CNTN5: variants seen among roughly 807,000 people sequenced by gnomAD.
CNTN5 encodes the protein contactin-5.
In CNTN5, 77 loss-of-function variants were observed where a neutral mutation model predicts 129.1. The ratio of observed to expected loss-of-function variants is 0.60; its 90% CI spans 0.50 to 0.72. The LOEUF is 0.72. Ranked by LOEUF, CNTN5 falls within the 30% of genes least tolerant of loss-of-function variation. The pLI, the probability that CNTN5 is intolerant of heterozygous loss-of-function variation, is 0.00. For missense variants in CNTN5, 1,478 were observed against 1,328.8 expected, an observed-to-expected ratio of 1.11 and a Z score of -1.75; for synonymous variants, 509 against 465.6, an observed-to-expected ratio of 1.09 and a Z score of -1.20.
chr11:100,264,445 T>C (rs1950259714), intron 17 of CNTN5, among the ~76,000 whole-genome samples: 1 of 152,140 alleles, frequency 6.6e-6, no homozygotes, highest in African/African-American at 2.4e-5. Flanking sequence ...TGTGTCCTCA[T>C]TTTTCAGTTC....
intron 3 of CNTN5, among the ~76,000 whole-genome samples, chr11:99,701,471 A>G (rs1395890186): frequency 4.0e-5 from 6 of 151,230 alleles, no homozygotes; most frequent in Middle Eastern, 3.2e-3. Context: ...ATTCCCAAAT[A>G]TCCAGATGTT....
intron 17 of CNTN5, among the ~76,000 whole-genome samples, chr11:100,260,748 C>G (rs1950178378): frequency 1.3e-5 from 2 of 152,142 alleles, no homozygotes; most frequent in South Asian, 4.1e-4. Context: ...TTCAACAACG[C>G]TTCATGCTAA....
At chr11:99,306,079 A>C (rs1214021953) in intron 1 of CNTN5, among the ~76,000 whole-genome samples, 1 of 152,226 alleles carries the variant, frequency 6.6e-6, no homozygotes, top group Admixed American at 6.5e-5. Flanking sequence ...ATTTCTTGAA[A>C]TGTTGAAATT....
chr11:99,772,072 T>A lies in CNTN5; in HGVS notation c.56-47472T>A, dbSNP rs902911724. 1.2e-3 allele frequency among the ~76,000 whole-genome samples: 11 copies of A among 8,956 alleles called. No homozygotes were observed. The Admixed American group carries it at 0.014, about 11-fold the overall frequency. 5.9% of individuals were successfully genotyped at this position (8,956 alleles called of 152,430 possible). On this transcript the variant is annotated intron_variant, in intron 3 of 24. Transcript: ENST00000524871. ...CTGAACCTTAGAAACTTCTGAGGTA[T>A]TTTTTTTTTTTTATCAACAATGGAG...
intron 3 of CNTN5, among the ~76,000 whole-genome samples, chr11:99,665,729 A>T (rs1309245477): frequency 1.3e-5 from 2 of 151,788 alleles, no homozygotes; most frequent in African/African-American, 2.4e-5. Context: ...TCAAGTGATC[A>T]GTCTGCCTTG....
chr11:100,032,211 A>G (rs1457721018), intron 9 of CNTN5, among the ~76,000 whole-genome samples: 7 of 152,170 alleles, frequency 4.6e-5, no homozygotes, highest in African/African-American at 1.4e-4. Flanking sequence ...GAGTATCACT[A>G]TGACAGTATC....
chr11:99,211,927 T>A (rs1859815445), intron 1 of CNTN5, among the ~76,000 whole-genome samples: 1 of 152,202 alleles, frequency 6.6e-6, no homozygotes, highest in Non-Finnish European at 1.5e-5. Flanking sequence ...CTTTCAGTGA[T>A]AATTTGTTTC....
chr11:99,601,006 T>C (rs2135704249), intron 3 of CNTN5, among the ~76,000 whole-genome samples: 1 of 152,318 alleles, frequency 6.6e-6, no homozygotes, highest in South Asian at 2.1e-4. Flanking sequence ...TGTTTTGTCT[T>C]AAATATTTAT....
chr11:99,235,841 A>G (rs1271866422), intron 1 of CNTN5, among the ~76,000 whole-genome samples: 1 of 152,168 alleles, frequency 6.6e-6, no homozygotes, highest in African/African-American at 2.4e-5. Flanking sequence ...TAAAGTTTGG[A>G]TTCCTGTGTT....
chr11:99,544,756 G>A (rs1948236607), intron 2 of CNTN5, among the ~76,000 whole-genome samples: 2 of 152,118 alleles, frequency 1.3e-5, no homozygotes, highest in Non-Finnish European at 2.9e-5. Flanking sequence ...AATAGAGAGA[G>A]GCAGTTTATT....
intron 2 of CNTN5, among the ~76,000 whole-genome samples, chr11:99,466,502 T>C (rs112702539): frequency 0.012 from 1,844 of 152,306 alleles, 38 homozygotes; most frequent in African/African-American, 0.042. Context: ...TTATATGGTT[T>C]CTTATATAGT....
chr11:99,098,536 T>C (rs1176503398), intron 1 of CNTN5, among the ~76,000 whole-genome samples: 3 of 152,086 alleles, frequency 2.0e-5, no homozygotes, highest in African/African-American at 7.2e-5. Flanking sequence ...AGCTCTCTGC[T>C]ACGAGGTTTT....
At chr11:99,321,296 A>G (rs1016679070) in intron 1 of CNTN5, among the ~76,000 whole-genome samples, 1 of 151,186 alleles carries the variant, frequency 6.6e-6, no homozygotes, top group African/African-American at 2.4e-5. Context: ...TCTGGAGAAC[A>G]CTGACTAATA....
intron 20 of CNTN5, among the ~76,000 whole-genome samples, chr11:100,304,287 T>G (rs1364749051): frequency 6.6e-6 from 1 of 151,692 alleles, no homozygotes; most frequent in Non-Finnish European, 1.5e-5. Flanking sequence ...CTCTAAGTCT[T>G]TGATTCCACT....
At chr11:100,350,018 TACC>T (rs1952370375) in intron 23 of CNTN5, among the ~76,000 whole-genome samples, 1 of 151,842 alleles carries the variant, frequency 6.6e-6, no homozygotes, top group East Asian at 1.9e-4. Flanking sequence ...TTAATTATAA[TACC>T]ACAACAGATG....
intron 2 of CNTN5, among the ~76,000 whole-genome samples, chr11:99,489,408 T>G: frequency 6.6e-6 from 1 of 152,128 alleles, no homozygotes; most frequent in East Asian, 1.9e-4. Flanking sequence ...CCCCTAAAGA[T>G]TTAGAGCACC....
intron 1 of CNTN5, among the ~76,000 whole-genome samples, chr11:99,187,957 TTATAAA>T (rs2135583373): frequency 6.6e-6 from 1 of 151,992 alleles, no homozygotes; most frequent in South Asian, 2.1e-4. Context: ...GTGGTTACTA[TTATAAA>T]TATAAACAAA....
In CNTN5 at chr11:100,211,504, A is replaced by G. The variant is rs112218770; in HGVS notation, c.1885-13188A>G. Among the ~76,000 whole-genome samples, 877 of 152,250 alleles carry G rather than the reference A, an allele frequency of 5.8e-3. 17 individuals are homozygous for G. Among genetic ancestry groups the G allele is most frequent in the African/African-American group, 0.02 (839 of 41,572 alleles). On this transcript the variant is annotated intron_variant, in intron 15 of 24. Coordinates refer to ENST00000524871, the MANE Select transcript of CNTN5 (RefSeq NM_014361.4). ...AAAAAGTGGGGATTTTTTTTTACCA[A>G]TGTCTTGGGAAAGACCATAAATCAT...
At chr11:99,538,044 G>A (rs1404833102) in intron 2 of CNTN5, among the ~76,000 whole-genome samples, 2 of 152,188 alleles carry the variant, frequency 1.3e-5, no homozygotes, top group African/African-American at 4.8e-5. Context: ...GAAATAGTTA[G>A]AGATTATTAT....
Sources: gnomAD v4.1 joint callset for allele counts (sites outside exome capture counted in the v4.1 genomes callset) on GRCh38, gnomAD v4.1.1 for gene constraint, MANE v1.5 for transcripts, NCBI Gene and HGNC (gene_info 2026-07-23, HGNC 2026-07-21) for gene names.